UBTD1: variants seen among roughly 807,000 people sequenced by gnomAD.
UBTD1 encodes ubiquitin domain-containing protein 1.
UBTD1 carries 19 observed loss-of-function variants against 21.7 expected under a neutral mutation model. That is an observed-to-expected ratio of 0.87 (90% CI 0.61 to 1.28). The LOEUF (loss-of-function observed/expected upper bound fraction) is 1.28, where lower values mean the gene tolerates loss of function less well. Ranked by LOEUF, UBTD1 falls within the 50% of genes most tolerant of loss-of-function variation. UBTD1 has a pLI of 0.00. For missense variants in UBTD1, 282 were observed against 315.1 expected (o/e 0.89, Z 0.80); for synonymous variants, 116 against 135.1 (o/e 0.86, Z 0.98).
rs2040288438 is a variant in UBTD1, at chr10:97,499,076, C to T, written c.-128C>T. The T allele has an allele frequency of 1.1e-5, 12 of 1,075,306 alleles. No individual in the cohort carries two copies. Among genetic ancestry groups the T allele is most frequent in the African/African-American group, 5.0e-5 (3 of 59,594 alleles). 66.6% of individuals were successfully genotyped at this position (1,075,306 alleles called of 1,614,324 possible). ...GGAGCCATCGCTGGGGCTGAGCGCG[C>T]CCCCGGGGGGAGATCGGGGAGCGCC... On this transcript the variant is annotated 5_prime_UTR_variant, in exon 1 of 3. Coordinates refer to ENST00000370664, the MANE Select transcript of UBTD1 (RefSeq NM_024954.5).
At chr10:97,558,829 G>A (rs544381960) in intron 1 of UBTD1, among the ~76,000 whole-genome samples, 3 of 152,288 alleles carry the variant, frequency 2.0e-5, no homozygotes, top group Non-Finnish European at 4.4e-5. Context: ...ATAGATGTGA[G>A]AGTTGAAAGA....
chr10:97,548,472 G>C (rs1344184866), intron 1 of UBTD1, among the ~76,000 whole-genome samples: 2 of 152,200 alleles, frequency 1.3e-5, no homozygotes, highest in African/African-American at 4.8e-5. Flanking sequence ...AGCAGCCTCA[G>C]AAAACATGTT....
chr10:97,538,371 T>A (rs2040572973), intron 1 of UBTD1, among the ~76,000 whole-genome samples: 1 of 152,102 alleles, frequency 6.6e-6, no homozygotes, highest in African/African-American at 2.4e-5. Flanking sequence ...ATTTAAAAAT[T>A]TACATATATT....
chr10:97,557,940 G>A (rs1450436891), intron 1 of UBTD1, among the ~76,000 whole-genome samples: 1 of 152,216 alleles, frequency 6.6e-6, no homozygotes, highest in Non-Finnish European at 1.5e-5. Flanking sequence ...ACTGGAAACA[G>A]TTCTCAGTCT....
intron 1 of UBTD1, among the ~76,000 whole-genome samples, chr10:97,533,653 G>A (rs1004779439): frequency 6.6e-6 from 1 of 152,120 alleles, no homozygotes; most frequent in East Asian, 1.9e-4. Flanking sequence ...GGCTGGGTGT[G>A]GTAGCTCACC....
At chr10:97,504,878 T>A (rs780134642) in intron 1 of UBTD1, among the ~76,000 whole-genome samples, 1 of 152,186 alleles carries the variant, frequency 6.6e-6, no homozygotes, top group Non-Finnish European at 1.5e-5. Flanking sequence ...TTGCGTAAGT[T>A]CTTAGATACC....
chr10:97,534,691 G>A (rs2040551822), intron 1 of UBTD1, among the ~76,000 whole-genome samples: 1 of 151,992 alleles, frequency 6.6e-6, no homozygotes, highest in African/African-American at 2.4e-5. Context: ...CCACTTCTGG[G>A]GTAGAAAAGG....
intron 1 of UBTD1, among the ~76,000 whole-genome samples, chr10:97,539,960 C>A (rs1469051782): frequency 6.6e-6 from 1 of 152,200 alleles, no homozygotes; most frequent in Non-Finnish European, 1.5e-5. Flanking sequence ...CAAACAACCA[C>A]CCCCAGAGGG....
At chr10:97,516,721 A>C (rs979054146) in intron 1 of UBTD1, among the ~76,000 whole-genome samples, 2 of 152,022 alleles carry the variant, frequency 1.3e-5, no homozygotes, top group Non-Finnish European at 1.5e-5. Context: ...GTTGCAGCCG[A>C]GATCGTGCCA....
intron 1 of UBTD1, among the ~76,000 whole-genome samples, chr10:97,559,154 G>C (rs1564744326): frequency 6.6e-6 from 1 of 152,226 alleles, no homozygotes; most frequent in Admixed American, 6.5e-5. Flanking sequence ...ACGGAAGCTG[G>C]ATGGCCCTCG....
intron 1 of UBTD1, among the ~76,000 whole-genome samples, chr10:97,558,492 T>C (rs566712994): frequency 1.0e-3 from 158 of 152,276 alleles, no homozygotes; most frequent in African/African-American, 3.6e-3. Flanking sequence ...GGAAACCCCA[T>C]CTAGTTGTTT....
rs749135005 is a variant in UBTD1 at position 97,567,965 on chromosome 10, C to T, written c.122C>T (p.Pro41Leu). ...KERLKWKSDY[P>L]MTDGQLRSKR... ...CGGCTTAAGTGGAAGAGCGACTACC[C>T]CATGACTGACGGGCAGCTGCGGAGC... The change falls in exon 2 of 3, where the codon CCC becomes CTC. Residue 41 changes from proline (P) to leucine (L), a missense_variant. Pro to Leu is a moderately conservative substitution (Grantham distance 98, BLOSUM62 -3). Transcript: ENST00000370664. 1.2e-6 allele frequency: 2 copies of T among 1,614,142 alleles called. No homozygotes were observed. Among genetic ancestry groups the T allele is most frequent in the South Asian group, 2.2e-5 (2 of 91,074 alleles).
chr10:97,567,139 C>T (rs1165811894), intron 1 of UBTD1, among the ~76,000 whole-genome samples: 1 of 151,714 alleles, frequency 6.6e-6, no homozygotes, highest in East Asian at 2.0e-4. Context: ...GGCATGACCA[C>T]AGCTCACTGC....
intron 1 of UBTD1, among the ~76,000 whole-genome samples, chr10:97,563,830 G>GAT (rs1296197240): frequency 6.6e-6 from 1 of 152,178 alleles, no homozygotes; most frequent in Non-Finnish European, 1.5e-5. Flanking sequence ...CTGTTGTAAA[G>GAT]ATAGGGTAAG....
chr10:97,557,332 A>G lies in UBTD1; in HGVS notation c.71-10582A>G, dbSNP rs2040669038. 3.9e-5 allele frequency among the ~76,000 whole-genome samples: 6 copies of G among 152,040 alleles called. No homozygotes were observed. In the South Asian group the frequency reaches 1.2e-3, roughly 31 times the overall value. The stretch of plus-strand genomic sequence containing the variant: ...ACTAGGATCTAGTCCTTTTCCATCA[A>G]TGCCTAATGTTGCATGTTTTTTTTT... On this transcript the variant is annotated intron_variant, in intron 1 of 2. Transcript: ENST00000370664.
intron 1 of UBTD1, among the ~76,000 whole-genome samples, chr10:97,514,123 C>T (rs1368541730): frequency 6.6e-6 from 1 of 151,464 alleles, no homozygotes; most frequent in East Asian, 1.9e-4. Context: ...GCCTCTGTTG[C>T]TTCTTGCTCA....
Position 97,570,824 on chromosome 10 carries a change from A to G in UBTD1, c.*301A>G, listed in dbSNP as rs931082263. 1.6e-5 allele frequency: 6 copies of G among 385,106 alleles called. No homozygotes were observed. The highest frequency in any genetic ancestry group is 2.9e-5 in the Non-Finnish European group (6 of 209,220). The allele number at this position is 385,106 out of a possible 1,614,324, so 23.9% of individuals were successfully genotyped here. On this transcript the variant is annotated 3_prime_UTR_variant, in exon 3 of 3. Coordinates refer to ENST00000370664, the MANE Select transcript of UBTD1 (RefSeq NM_024954.5). The surrounding 1 kb of genome is among the most constrained non-coding windows in gnomAD (Gnocchi z 6.6). Reference sequence around the variant, plus strand: ...GCCAACCAGGAGGCCCCTGGAGCCCAGATCTGTCATCTGGTGCTGCCAGCT... The same window carrying G: ...GCCAACCAGGAGGCCCCTGGAGCCCGGATCTGTCATCTGGTGCTGCCAGCT...
intron 1 of UBTD1, among the ~76,000 whole-genome samples, chr10:97,553,292 C>T (rs1299901308): frequency 3.0e-4 from 46 of 152,246 alleles, no homozygotes; most frequent in Middle Eastern, 3.4e-3. Context: ...CCACCATGCC[C>T]GGCTAATTTT....
chr10:97,542,836 A>G (rs1246557016), intron 1 of UBTD1, among the ~76,000 whole-genome samples: 1 of 152,220 alleles, frequency 6.6e-6, no homozygotes, highest in Admixed American at 6.5e-5. Context: ...GGTCAGCCTC[A>G]TGCAGGCATA....
Sources: allele counts gnomAD v4.1 joint callset (sites outside exome capture counted in the v4.1 genomes callset), GRCh38; gene constraint gnomAD v4.1.1; non-coding constraint Gnocchi (gnomAD v3.1); transcripts MANE v1.5; gene names NCBI Gene and HGNC (gene_info 2026-07-23, HGNC 2026-07-21).